The following TRAF3IP2 variants were observed in gnomAD, a reference collection of about 807,000 sequenced individuals.
TRAF3IP2 encodes the protein TRAF3 interacting protein 2, also known as E3 ubiquitin ligase TRAF3IP2.
In TRAF3IP2, 35 loss-of-function variants were observed where a neutral mutation model predicts 57.9. The ratio of observed to expected loss-of-function variants is 0.60; its 90% CI spans 0.46 to 0.80. The LOEUF (loss-of-function observed/expected upper bound fraction) is 0.80. Ranked by LOEUF, TRAF3IP2 falls within the 30% of genes least tolerant of loss-of-function variation. The pLI is 0.00. For missense variants in TRAF3IP2, 556 were observed against 706.4 expected, an observed-to-expected ratio of 0.79 and a Z score of 2.41; for synonymous variants, 251 against 268.9, an observed-to-expected ratio of 0.93 and a Z score of 0.65.
In TRAF3IP2 at chr6:111,592,080, G is replaced by A. The variant is rs557983485; in HGVS notation, c.7C>T (p.Arg3Ter). MN[R>*]SIPVEVDESE... is the part of the protein sequence containing the mutation. Reference sequence around the variant, plus strand: ...TCATCAACCTCCACAGGAATGCTTCGGTTCATTCTAGTTTCTGGAACAAGA... The same window carrying A: ...TCATCAACCTCCACAGGAATGCTTCAGTTCATTCTAGTTTCTGGAACAAGA... Residue 3 changes from arginine to a stop codon, truncating the protein, a stop_gained, in exon 2 of 9, where the codon CGA becomes TGA. Transcript: ENST00000368761. LOFTEE classifies it high-confidence loss of function. The A allele has an allele frequency of 1.6e-5, 25 of 1,612,578 alleles. No homozygotes were observed. Among genetic ancestry groups the A allele is most frequent in the East Asian group, 2.2e-5 (1 of 44,860 alleles).
chr6:111,571,083 T>C (rs1033748179), intron 5 of TRAF3IP2, among the ~76,000 whole-genome samples: 100 of 150,392 alleles, frequency 6.6e-4, no homozygotes, highest in Non-Finnish European at 1.2e-3. Context: ...TTTTTCTTTT[T>C]TTTTTTTTTT....
Position 111,591,885 on chromosome 6 carries a change from T to G in TRAF3IP2, c.202A>C (p.Lys68Gln), listed in dbSNP as rs752777982. 3 of 1,614,242 alleles carry G rather than the reference T, an allele frequency of 1.9e-6. No individual in the cohort carries two copies. Among genetic ancestry groups the G allele is most frequent in the Non-Finnish European group, 2.5e-6 (3 of 1,180,046 alleles). The change falls in exon 2 of 9, where the codon AAA becomes CAA. Residue 68 changes from lysine (K) to glutamine (Q), a missense_variant. Physicochemically the swap from Lys to Gln is moderately conservative, Grantham distance 53. Coordinates refer to ENST00000368761, the MANE Select transcript of TRAF3IP2 (RefSeq NM_147686.4). This position sits in a 1 kb window ranked among gnomAD's most constrained non-coding sequence, Gnocchi z 4.9. ...ACAGGCCGCTGGTGATTTGCAAGTT[T>G]CAGGGTTGAGTGAGCTTGAGAAAAG... ...GDFSQAHSTL[K>Q]LANHQRPVSR...
rs766240931 is a variant in TRAF3IP2 at position 111,591,456 on chromosome 6, G to C, written c.631C>G (p.Gln211Glu). 2 of 1,593,258 alleles carry C rather than the reference G, an allele frequency of 1.3e-6. No individual in the cohort carries two copies. Among genetic ancestry groups the C allele is most frequent in the Non-Finnish European group, 1.7e-6 (2 of 1,168,008 alleles). ...GTGAGGGGCAGGGGCCTTTCCAGCT[G>C]CCTGATGCCCAGGACATCCTGGGGC... Reference protein sequence around the residue: ...SQPQDVLGIRQLERPLPLTSV... With the variant: ...SQPQDVLGIRELERPLPLTSV... The change falls in exon 2 of 9, where the codon CAG becomes GAG. Residue 211 changes from glutamine to glutamate, a missense_variant. By Grantham distance (29) the Gln-to-Glu change is conservative. Coordinates refer to ENST00000368761, the MANE Select transcript of TRAF3IP2 (RefSeq NM_147686.4). The surrounding 1 kb of genome is among the most constrained non-coding windows in gnomAD (Gnocchi z 4.9).
intron 1 of TRAF3IP2, chr6:111,597,937 C>G: frequency 2.2e-6 from 1 of 455,548 alleles, no homozygotes. Context: ...CCCTGTTTTC[C>G]AGCCATGACC....
chr6:111,595,359 A>C (rs1429471072), intron 1 of TRAF3IP2, among the ~76,000 whole-genome samples: 1 of 152,246 alleles, frequency 6.6e-6, no homozygotes, highest in Non-Finnish European at 1.5e-5. Flanking sequence ...TAAAAAACAA[A>C]ATGGACCCTG....
At chr6:111,601,444 A>G (rs1297123173) in intron 1 of TRAF3IP2, 3 of 434,232 alleles carry the variant, frequency 6.9e-6, no homozygotes, top group Non-Finnish European at 1.3e-5. Flanking sequence ...ATGCATCTAG[A>G]GGGGAGCTAT....
intron 1 of TRAF3IP2, among the ~76,000 whole-genome samples, chr6:111,603,650 C>T (rs1796943746): frequency 6.6e-6 from 1 of 151,912 alleles, no homozygotes; most frequent in African/African-American, 2.4e-5. Context: ...GCAGATATGA[C>T]TGTCTTCTCC....
rs1416390971 is a variant in TRAF3IP2, at chr6:111,555,816, T to C, written c.*3589A>G. Among the ~76,000 whole-genome samples the C allele has an allele frequency of 6.6e-6, 1 of 152,152 alleles. No individual in the cohort carries two copies. Among genetic ancestry groups the C allele is most frequent in the Non-Finnish European group, 1.5e-5 (1 of 68,022 alleles). On this transcript the variant is annotated 3_prime_UTR_variant, in exon 9 of 9. Transcript: ENST00000368761. ...CTCTCAAATAGTTGTTACAATTCCT[T>C]TGATGGGCCGGGCGTGGTGGCTCAT...
rs1419135194 is a variant in TRAF3IP2, at chr6:111,564,320, C to T, written c.1477-1281G>A. 3.3e-5 allele frequency among the ~76,000 whole-genome samples: 5 copies of T among 152,100 alleles called. No individual in the cohort carries two copies. The East Asian group carries it at 5.8e-4, about 18-fold the overall frequency. The stretch of plus-strand genomic sequence containing the variant: ...CTAGAAGCACCCACCACACCAGCAC[C>T]GAGTACACATGAAAGGAAGGGGATG... On this transcript the variant is annotated intron_variant, in intron 7 of 8. Coordinates refer to ENST00000368761, the MANE Select transcript of TRAF3IP2 (RefSeq NM_147686.4).
At chr6:111,565,449 A>C (rs923179836) in intron 7 of TRAF3IP2, among the ~76,000 whole-genome samples, 3 of 152,154 alleles carry the variant, frequency 2.0e-5, no homozygotes, top group Admixed American at 6.5e-5. Flanking sequence ...AAATCTCAGA[A>C]TCCTTGGTCA....
intron 2 of TRAF3IP2, among the ~76,000 whole-genome samples, chr6:111,585,153 TA>T (rs368123557): frequency 4.7e-4 from 72 of 152,336 alleles, no homozygotes; most frequent in African/African-American, 1.7e-3. Flanking sequence ...TTACTTCCCT[TA>T]TAGCACTTAT....
At chr6:111,589,471 C>T (rs191053645) in intron 2 of TRAF3IP2, among the ~76,000 whole-genome samples, 6 of 152,202 alleles carry the variant, frequency 3.9e-5, no homozygotes, top group Non-Finnish European at 8.8e-5. Context: ...AGAAATACAG[C>T]CTTGACCTTG....
intron 6 of TRAF3IP2, 95 bp from the exon 7 acceptor site, chr6:111,566,655 T>C (rs1795649411): frequency 9.2e-7 from 1 of 1,084,852 alleles, no homozygotes; most frequent in African/African-American, 1.5e-5. Context: ...AGGCTCATTC[T>C]CCATAGAAAG....
chr6:111,586,050 G>A (rs928013073), intron 2 of TRAF3IP2, among the ~76,000 whole-genome samples: 1 of 151,930 alleles, frequency 6.6e-6, no homozygotes, highest in Admixed American at 6.6e-5. Flanking sequence ...TTTTCAAGTT[G>A]TCAAAAAAAA....
In TRAF3IP2 at chr6:111,591,805, A is replaced by C. The variant is rs751822200; in HGVS notation, c.282T>G (p.Ser94Arg). ...CCAGGCCTGGGTGTCTCCTGCAGAA[A>C]CTGTCTTCACTGTCCTCCAGAACTT... ...RTQVLEDSED[S>R]FCRRHPGLGK... The change falls in exon 2 of 9, where the codon AGT becomes AGG. Residue 94 changes from serine (S) to arginine (R), a missense_variant. Coordinates refer to ENST00000368761, the MANE Select transcript of TRAF3IP2 (RefSeq NM_147686.4). This position sits in a 1 kb window ranked among gnomAD's most constrained non-coding sequence, Gnocchi z 4.9. 1.9e-6 allele frequency: 3 copies of C among 1,614,222 alleles called. No homozygotes were observed. In the East Asian group the frequency reaches 6.7e-5, roughly 36 times the overall value.
intron 1 of TRAF3IP2, among the ~76,000 whole-genome samples, chr6:111,603,084 G>GCACACA (rs3066041): frequency 5.3e-5 from 8 of 149,858 alleles, no homozygotes; most frequent in African/African-American, 1.7e-4. Flanking sequence ...CACAAGGTGT[G>GCACACA]CACACACACA....
intron 1 of TRAF3IP2, among the ~76,000 whole-genome samples, chr6:111,592,639 C>T (rs1796557809): frequency 6.6e-6 from 1 of 152,178 alleles, no homozygotes; most frequent in African/African-American, 2.4e-5. Context: ...CATTGCTACA[C>T]TGGTTGCCTT....
chr6:111,566,683 C>A, intron 6 of TRAF3IP2, 123 bp from the exon 7 acceptor site: 3 of 836,568 alleles, frequency 3.6e-6, no homozygotes, highest in Non-Finnish European at 6.2e-6. Flanking sequence ...CTGGCCCCCA[C>A]TCAGGCAGAC....
chr6:111,565,588 G>A (rs1453063552), intron 7 of TRAF3IP2, among the ~76,000 whole-genome samples: 1 of 152,108 alleles, frequency 6.6e-6, no homozygotes, highest in African/African-American at 2.4e-5. Flanking sequence ...AGTCACAAGT[G>A]TAGCACCGCC....
Sources: gnomAD v4.1 joint callset for allele counts (sites outside exome capture counted in the v4.1 genomes callset) on GRCh38, gnomAD v4.1.1 for gene constraint, Gnocchi (gnomAD v3.1) non-coding constraint, MANE v1.5 for transcripts, NCBI Gene and HGNC (gene_info 2026-07-23, HGNC 2026-07-21) for gene names.